ZNF536: variants seen among roughly 807,000 people sequenced by gnomAD.
ZNF536 encodes zinc finger protein 536.
ZNF536 carries 13 observed loss-of-function variants against 84.5 expected under a neutral mutation model. The ratio of observed to expected loss-of-function variants is 0.15; its 90% CI spans 0.10 to 0.24. The LOEUF is 0.24. Ranked by LOEUF, ZNF536 falls within the 10% of genes least tolerant of loss-of-function variation. The probability of loss-of-function intolerance (pLI) is 1.00; values close to 1 mark genes in which losing one functional copy is unlikely to be tolerated. For missense variants in ZNF536, 1,536 were observed against 1,747.5 expected, an observed-to-expected ratio of 0.88 and a Z score of 2.16; for synonymous variants, 811 against 742.5, an observed-to-expected ratio of 1.09 and a Z score of -1.50.
intron 1 of ZNF536, among the ~76,000 whole-genome samples, chr19:30,676,267 T>TA (rs1370435007): frequency 2.0e-5 from 3 of 152,380 alleles, no homozygotes; most frequent in Admixed American, 2.0e-4. Context: ...TCCTTGCCTC[T>TA]ACTGTGAGCA....
intron 2 of ZNF536, among the ~76,000 whole-genome samples, chr19:30,514,091 C>A (rs1394642340): frequency 2.6e-5 from 4 of 152,166 alleles, no homozygotes; most frequent in African/African-American, 9.7e-5. Context: ...TGACCCGTGG[C>A]AGGCTTTGCT....
chr19:30,305,811 G>A (rs559402820), intron 2 of ZNF536, among the ~76,000 whole-genome samples: 2 of 152,360 alleles, frequency 1.3e-5, no homozygotes, highest in African/African-American at 4.8e-5. Flanking sequence ...GTAGGCACTG[G>A]CTGGGCTTCG....
At chr19:30,615,075 T>C (rs1254718809) in intron 1 of ZNF536, among the ~76,000 whole-genome samples, 1 of 143,056 alleles carries the variant, frequency 7.0e-6, no homozygotes, top group African/African-American at 2.6e-5. Flanking sequence ...GCCTCCCGTG[T>C]AGCTGGGACT....
chr19:30,355,254 G>A (rs2048055521), intron 3 of ZNF536, among the ~76,000 whole-genome samples: 1 of 152,094 alleles, frequency 6.6e-6, no homozygotes, highest in South Asian at 2.1e-4. Flanking sequence ...GAGAGGCGGC[G>A]AGGGAAGGGG....
At chr19:30,537,961 A>G (rs2045160186) in intron 3 of ZNF536, among the ~76,000 whole-genome samples, 1 of 152,254 alleles carries the variant, frequency 6.6e-6, no homozygotes, top group South Asian at 2.1e-4. Flanking sequence ...AAGAAGCTGG[A>G]AAATGCTTAC....
At chr19:30,457,883 G>A (rs891028839) in intron 2 of ZNF536, among the ~76,000 whole-genome samples, 3 of 152,180 alleles carry the variant, frequency 2.0e-5, no homozygotes, top group African/African-American at 4.8e-5. Context: ...ATGTCAGAAC[G>A]TCCATCTGCA....
chr19:30,322,530 G>A (rs2046892254), intron 2 of ZNF536, among the ~76,000 whole-genome samples: 1 of 152,140 alleles, frequency 6.6e-6, no homozygotes, highest in Admixed American at 6.5e-5. Context: ...TGTGTTACAT[G>A]CTTGCTTCTG....
intron 1 of ZNF536, among the ~76,000 whole-genome samples, chr19:30,617,304 C>CCCAGAGT (rs953340102): frequency 2.8e-5 from 4 of 141,444 alleles, no homozygotes; most frequent in Non-Finnish European, 3.0e-5. Flanking sequence ...CCCCACAGTC[C>CCCAGAGT]CCAGAGTCCA....
At chr19:30,422,096 G>A (rs2050985369) in intron 1 of ZNF536, among the ~76,000 whole-genome samples, 1 of 152,180 alleles carries the variant, frequency 6.6e-6, no homozygotes, top group Non-Finnish European at 1.5e-5. Flanking sequence ...AAAAGCATCA[G>A]GAAGGTGATA....
intron 1 of ZNF536, among the ~76,000 whole-genome samples, chr19:30,635,461 C>A (rs1165738915): frequency 6.6e-6 from 1 of 152,200 alleles, no homozygotes; most frequent in Non-Finnish European, 1.5e-5. Context: ...CAAGATGGCT[C>A]CCTGCCTGAG....
intron 1 of ZNF536, among the ~76,000 whole-genome samples, chr19:30,378,547 A>T (rs189805259): frequency 6.6e-6 from 1 of 152,274 alleles, no homozygotes; most frequent in East Asian, 1.9e-4. Flanking sequence ...CTTCCCACAC[A>T]TGCTAGTGGT....
chr19:30,516,358 C>T (rs1482864158), intron 2 of ZNF536, among the ~76,000 whole-genome samples: 1 of 152,216 alleles, frequency 6.6e-6, no homozygotes, highest in African/African-American at 2.4e-5. Context: ...CTGTGCAGGG[C>T]AGGCTCTCCA....
chr19:30,477,167 G>A (rs1212730609), intron 2 of ZNF536, among the ~76,000 whole-genome samples: 2 of 152,060 alleles, frequency 1.3e-5, no homozygotes, highest in African/African-American at 2.4e-5. Context: ...TCTTGGTTGT[G>A]CCCTTATTCT....
intron 1 of ZNF536, among the ~76,000 whole-genome samples, chr19:30,239,991 T>A (rs1380298102): frequency 6.6e-6 from 1 of 152,060 alleles, no homozygotes; most frequent in African/African-American, 2.4e-5. Context: ...ATCAGGGAGG[T>A]GTACCTGGAC....
At chr19:30,409,224 T>C (rs1026116172) in intron 1 of ZNF536, among the ~76,000 whole-genome samples, 1 of 152,238 alleles carries the variant, frequency 6.6e-6, no homozygotes, top group Non-Finnish European at 1.5e-5. Flanking sequence ...AGTTGCTCAA[T>C]AAATATTTGT....
At chr19:30,236,591 A>G (rs1476722725) in intron 1 of ZNF536, among the ~76,000 whole-genome samples, 1 of 152,058 alleles carries the variant, frequency 6.6e-6, no homozygotes, top group Non-Finnish European at 1.5e-5. Flanking sequence ...TTGAAGGCAG[A>G]AGAAGTACAG....
chr19:30,255,663 A>T lies in ZNF536; in HGVS notation c.-190+26990A>T, dbSNP rs372600925. Among the ~76,000 whole-genome samples, 117 of 152,360 alleles carry T rather than the reference A, an allele frequency of 7.7e-4. 1 individual carries two copies. Among genetic ancestry groups the T allele is most frequent in the African/African-American group, 2.8e-3 (116 of 41,586 alleles). ...AATTGAAATCTGGAGACAATAAAAAAAATGTCTTTCTGCAACTTCAATACA... is the reference window on the plus strand; with the variant it reads ...AATTGAAATCTGGAGACAATAAAAATAATGTCTTTCTGCAACTTCAATACA... On this transcript the variant is annotated intron_variant, in intron 1 of 5. Transcript: ENST00000585628.
chr19:30,497,476 A>G (rs1368783988), intron 2 of ZNF536, among the ~76,000 whole-genome samples: 2 of 152,142 alleles, frequency 1.3e-5, no homozygotes, highest in East Asian at 1.9e-4. Flanking sequence ...AGTTAAGCCC[A>G]TGTTTTCTTC....
chr19:30,493,966 G>T (rs977695787), intron 2 of ZNF536, among the ~76,000 whole-genome samples: 1 of 152,066 alleles, frequency 6.6e-6, no homozygotes, highest in African/African-American at 2.4e-5. Flanking sequence ...AGGCAGCAGG[G>T]TGGCTACTAA....
Sources: gnomAD v4.1 joint callset for allele counts (sites outside exome capture counted in the v4.1 genomes callset) on GRCh38, gnomAD v4.1.1 for gene constraint, MANE v1.5 for transcripts, NCBI Gene and HGNC (gene_info 2026-07-23, HGNC 2026-07-21) for gene names.